SEC14L2: variants seen among roughly 807,000 people sequenced by gnomAD.
The protein encoded by SEC14L2 is SEC14 like lipid binding 2.
SEC14L2 carries 50 observed loss-of-function variants against 56.9 expected under a neutral mutation model. The observed-to-expected ratio is 0.88, with a 90% CI of 0.70 to 1.11. The LOEUF is 1.11. Among genes scored for constraint, SEC14L2 ranks in the 50% most tolerant of loss-of-function variants. The probability of loss-of-function intolerance (pLI) is 0.00; values close to 1 mark genes in which losing one functional copy is unlikely to be tolerated. For missense variants in SEC14L2, 414 were observed against 500.7 expected, an observed-to-expected ratio of 0.83 and a Z score of 1.65; for synonymous variants, 179 against 188.5, an observed-to-expected ratio of 0.95 and a Z score of 0.41.
chr22:30,405,569 G>A (rs1027585026), intron 2 of SEC14L2, among the ~76,000 whole-genome samples: 1 of 152,128 alleles, frequency 6.6e-6, no homozygotes, highest in Non-Finnish European at 1.5e-5. Context: ...GGAATGTGTG[G>A]GCCCTTTGAG....
At chr22:30,416,675 CT>C (rs1333869539) in intron 11 of SEC14L2, 2 of 1,421,666 alleles carry the variant, frequency 1.4e-6, no homozygotes, top group African/African-American at 2.9e-5. Context: ...TTCAACACGT[CT>C]GCTTTCTGGT....
intron 8 of SEC14L2, among the ~76,000 whole-genome samples, chr22:30,413,268 AC>A (rs1181830765): frequency 1.3e-5 from 2 of 152,196 alleles, no homozygotes; most frequent in Admixed American, 1.3e-4. Context: ...AAGCAAGTCA[AC>A]AGGGAATGGA....
rs572644542 is a variant in SEC14L2 at position 30,419,037 on chromosome 22, G to A, written c.1081+2634G>A. On this transcript the variant is annotated intron_variant, in intron 11 of 11. Coordinates refer to ENST00000615189, the MANE Select transcript of SEC14L2 (RefSeq NM_012429.5). ...TACTGAGTACAGAATACTCAACTAG[G>A]AATGAAAAGATTCCCAAAGAAAGAT... Among the ~76,000 whole-genome samples the A allele has an allele frequency of 3.9e-5, 6 of 152,302 alleles. No homozygotes were observed. The South Asian group carries it at 6.2e-4, about 16-fold the overall frequency.
At position 30,424,719 on chromosome 22, in the gene SEC14L2, A is replaced by G. The variant is rs5994305; in HGVS notation, c.*2312A>G. The G allele has an allele frequency of 0.23, 103,751 of 456,356 alleles. 13,577 individuals carry two copies. The highest frequency in any genetic ancestry group is 0.41 in the East Asian group (5,866 of 14,356). The allele number at this position is 456,356 out of a possible 1,614,324, so 28.3% of individuals were successfully genotyped here. On this transcript the variant is annotated 3_prime_UTR_variant, in exon 12 of 12. Coordinates refer to ENST00000615189, the MANE Select transcript of SEC14L2 (RefSeq NM_012429.5). ...CTAACAGCCAGTAGGCGGCACAGCT[A>G]GGATTTGAACCCAGGATTGTCTCCA...
At chr22:30,413,650 G>A (rs1263211746) in intron 8 of SEC14L2, among the ~76,000 whole-genome samples, 2 of 152,132 alleles carry the variant, frequency 1.3e-5, no homozygotes, top group Non-Finnish European at 2.9e-5. Flanking sequence ...GGATTCTGAA[G>A]GCTTCACAAT....
chr22:30,397,662 T>G (rs1322799783), intron 1 of SEC14L2: 1 of 335,766 alleles, frequency 3.0e-6, no homozygotes, highest in Non-Finnish European at 5.9e-6. Context: ...GGCAAAACCC[T>G]GCCCTTCTCT....
At chr22:30,415,197 C>T (rs1384715552) in intron 8 of SEC14L2, among the ~76,000 whole-genome samples, 3 of 152,088 alleles carry the variant, frequency 2.0e-5, no homozygotes, top group Non-Finnish European at 2.9e-5. Context: ...TTTGGGAGGC[C>T]GAGGTGGGTG....
At chr22:30,398,918 A>G in intron 1 of SEC14L2, 1 of 424,686 alleles carries the variant, frequency 2.4e-6, no homozygotes, top group Non-Finnish European at 5.0e-6. Context: ...TGGGGACAAT[A>G]CTTCTACGGG....
intron 2 of SEC14L2, among the ~76,000 whole-genome samples, chr22:30,402,977 G>A (rs958050373): frequency 6.6e-6 from 1 of 151,950 alleles, no homozygotes; most frequent in African/African-American, 2.4e-5. Context: ...CTACTCGGTA[G>A]GCCGAGGTGG....
chr22:30,407,351 C>A, intron 4 of SEC14L2, 64 bp from the exon 5 acceptor site: 1 of 1,561,978 alleles, frequency 6.4e-7, no homozygotes, highest in South Asian at 1.2e-5. Flanking sequence ...TGGAGTAAGG[C>A]CCTGTGGTCC....
At position 30,422,440 on chromosome 22, in the gene SEC14L2, G is replaced by C. The variant is rs1451733938; in HGVS notation, c.*33G>C. ...TCCTATAGCAGGCCTGGCCCCCTCA[G>C]TGTCTCCCTGTCAATTTCTACCCCT... On this transcript the variant is annotated 3_prime_UTR_variant, in exon 12 of 12. Transcript: ENST00000615189. The C allele has an allele frequency of 1.2e-6, 2 of 1,612,666 alleles. No individual in the cohort carries two copies. Among genetic ancestry groups the C allele is most frequent in the Admixed American group, 1.7e-5 (1 of 59,912 alleles).
rs144285739 is a variant in SEC14L2, at chr22:30,404,242, A to T, written c.131-2100A>T. Among the ~76,000 whole-genome samples, 492 of 152,262 alleles carry T rather than the reference A, an allele frequency of 3.2e-3. 3 individuals are homozygous for T. The highest frequency in any genetic ancestry group is 0.011 in the African/African-American group (474 of 41,560). On this transcript the variant is annotated intron_variant, in intron 2 of 11. Transcript: ENST00000615189. ...ATGAAGAGCTGGGATGCAAACCCAG[A>T]AGATATTCCTCTAAAAGCTGTCCCA...
At chr22:30,399,533 A>C in intron 1 of SEC14L2, 110 bp from the exon 2 acceptor site, 1 of 567,400 alleles carries the variant, frequency 1.8e-6, no homozygotes, top group Non-Finnish European at 2.9e-6. Context: ...AAAAAAAAAA[A>C]AAAAGAAACA....
intron 4 of SEC14L2, 110 bp from the exon 5 acceptor site, chr22:30,407,305 C>A: frequency 6.9e-7 from 1 of 1,450,864 alleles, no homozygotes; most frequent in Non-Finnish European, 9.6e-7. Context: ...CTGTTGGTAC[C>A]CAGGAGAGGG....
At chr22:30,405,075 A>AAAAAG (rs750870465) in intron 2 of SEC14L2, among the ~76,000 whole-genome samples, 1 of 152,024 alleles carries the variant, frequency 6.6e-6, no homozygotes, top group Non-Finnish European at 1.5e-5. Flanking sequence ...TCTCAAAAAA[A>AAAAAG]AAAAGAAAAG....
Position 30,410,629 on chromosome 22 carries a change from T to A in SEC14L2, c.614T>A (p.Ile205Asn). ...CTGTTTCCTGTGGCCTATAACCTCA[T>A]CAAACCCTTCCTGAGTGAGGACACT... The part of the protein sequence containing the change: ...PKLFPVAYNL[I>N]KPFLSEDTRK... Residue 205 changes from isoleucine (I) to asparagine (N), a missense_variant, in exon 8 of 12, where the codon ATC becomes AAC. Physicochemically the swap from Ile to Asn is moderately radical, Grantham distance 149. Transcript: ENST00000615189. The A allele has an allele frequency of 6.2e-7, 1 of 1,614,166 alleles. No individual in the cohort carries two copies. The highest frequency in any genetic ancestry group is 8.5e-7 in the Non-Finnish European group (1 of 1,180,014).
In SEC14L2 at chr22:30,422,399, C is replaced by G. The variant is rs1292429211; in HGVS notation, c.1204C>G (p.Pro402Ala). ...GATGAAACAGCTGGGGGCAGGCACC[C>G]CGAAATAACACCTTCTCCTATAGCA... ...EKMKQLGAGT[P>A]K Residue 402 changes from proline (P) to alanine (A), a missense_variant, in exon 12 of 12, where the codon CCG (proline) becomes GCG (alanine). Coordinates refer to ENST00000615189, the MANE Select transcript of SEC14L2 (RefSeq NM_012429.5). 1 of 1,614,056 alleles carries G rather than the reference C, an allele frequency of 6.2e-7. No individual in the cohort carries two copies. The highest frequency in any genetic ancestry group is 8.5e-7 in the Non-Finnish European group (1 of 1,180,030).
At position 30,409,514 on chromosome 22, in the gene SEC14L2, C is replaced by A. The variant is rs768916278; in HGVS notation, c.580+28C>A. The A allele has an allele frequency of 1.1e-5, 18 of 1,605,630 alleles. No individual in the cohort carries two copies. In the South Asian group the frequency reaches 1.3e-4, roughly 12 times the overall value. ...AAGTTGGGAATTTCTTGTGATAAAG[C>A]CAGATGGAAAAGAGGGGTCAAAAAC... On this transcript the variant is annotated intron_variant, in intron 7 of 11. Transcript: ENST00000615189.
chr22:30,405,485 G>C (rs1037471415), intron 2 of SEC14L2, among the ~76,000 whole-genome samples: 1 of 152,154 alleles, frequency 6.6e-6, no homozygotes, highest in Non-Finnish European at 1.5e-5. Flanking sequence ...CATGCATAAA[G>C]AGGTGACCCA....
Sources: gnomAD v4.1 joint callset for allele counts (sites outside exome capture counted in the v4.1 genomes callset) on GRCh38, gnomAD v4.1.1 for gene constraint, MANE v1.5 for transcripts, NCBI Gene and HGNC (gene_info 2026-07-23, HGNC 2026-07-21) for gene names.